Variants in SIAH3 observed in about 807,000 individuals in gnomAD.
The protein encoded by SIAH3 is seven in absentia homolog 3.
In SIAH3, 9 loss-of-function variants were observed where a neutral mutation model predicts 12.6. The ratio of observed to expected loss-of-function variants is 0.72; its 90% CI spans 0.43 to 1.25. SIAH3 has a LOEUF of 1.25. SIAH3 is among the 50% of genes most tolerant of loss of function. The pLI is 0.00. For synonymous variants in SIAH3, 154 were observed against 151.1 expected, an observed-to-expected ratio of 1.02 and a Z score of -0.14; for missense variants, 390 against 365.4, an observed-to-expected ratio of 1.07 and a Z score of -0.55.
intron 1 of SIAH3, among the ~76,000 whole-genome samples, chr13:45,821,208 A>C (rs1293378728): frequency 6.6e-6 from 1 of 152,234 alleles, no homozygotes; most frequent in East Asian, 1.9e-4. Context: ...AGACATAGAC[A>C]CATAGAAAAG....
chr13:45,784,138 A>T, intron 1 of SIAH3, 81 bp from the exon 2 acceptor site: 2 of 1,305,254 alleles, frequency 1.5e-6, no homozygotes, highest in Non-Finnish European at 2.1e-6. Context: ...TCAAAGTGTT[A>T]AAAAGCAGAT....
chr13:45,811,130 A>T (rs1299764953), intron 1 of SIAH3, among the ~76,000 whole-genome samples: 1 of 152,204 alleles, frequency 6.6e-6, no homozygotes, highest in Non-Finnish European at 1.5e-5. Flanking sequence ...TCAGAACAAT[A>T]ATAGGGTGAT....
chr13:45,799,863 A>G (rs1950575517), intron 1 of SIAH3, among the ~76,000 whole-genome samples: 1 of 152,254 alleles, frequency 6.6e-6, no homozygotes. Context: ...TATTAAGTAA[A>G]GAGCAAAGCA....
At chr13:45,841,207 C>T (rs769011726) in intron 1 of SIAH3, among the ~76,000 whole-genome samples, 9 of 152,166 alleles carry the variant, frequency 5.9e-5, no homozygotes, top group African/African-American at 1.7e-4. Context: ...TTGGCAGAGT[C>T]GTAGCTGTTA....
chr13:45,789,392 CT>C (rs58549954), intron 1 of SIAH3, among the ~76,000 whole-genome samples: 3 of 35,374 alleles, frequency 8.5e-5, no homozygotes, highest in Non-Finnish European at 1.7e-4. Flanking sequence ...ATCTATCTAT[CT>C]ATCTATCTAT....
At chr13:45,785,956 G>A (rs1213194064) in intron 1 of SIAH3, among the ~76,000 whole-genome samples, 1 of 152,208 alleles carries the variant, frequency 6.6e-6, no homozygotes, top group Non-Finnish European at 1.5e-5. Flanking sequence ...CTAGTATGTA[G>A]CATCTACTAA....
At chr13:45,818,312 A>C (rs1333191836) in intron 1 of SIAH3, among the ~76,000 whole-genome samples, 1 of 152,210 alleles carries the variant, frequency 6.6e-6, no homozygotes, top group Non-Finnish European at 1.5e-5. Context: ...CTGCTCCTGG[A>C]AGAACTCAAG....
intron 1 of SIAH3, among the ~76,000 whole-genome samples, chr13:45,817,200 C>T (rs1391748772): frequency 1.3e-5 from 2 of 152,236 alleles, no homozygotes. Context: ...GATTATAACA[C>T]TGCATTTTTA....
chr13:45,781,028 A>G lies in SIAH3; in HGVS notation c.*2355T>C, dbSNP rs1321560806. The stretch of plus-strand genomic sequence containing the variant: ...TTGGGGAGCACCATAGATGGAAGAT[A>G]ATAATACATTTCCCATGCTTTGTCC... On this transcript the variant is annotated 3_prime_UTR_variant, in exon 2 of 2. Coordinates refer to ENST00000400405, the MANE Select transcript of SIAH3 (RefSeq NM_198849.3). The G allele has an allele frequency of 6.6e-6, 1 of 152,602 alleles. No individual in the cohort carries two copies. The highest frequency in any genetic ancestry group is 2.4e-5 in the African/African-American group (1 of 41,460). The allele number at this position is 152,602 out of a possible 1,614,324, so 9.5% of individuals were successfully genotyped here. A position where few individuals can be genotyped will look rare whatever the true frequency, so the allele number is the denominator to read the frequency against.
intron 1 of SIAH3, among the ~76,000 whole-genome samples, chr13:45,803,074 A>G (rs1465043348): frequency 6.6e-6 from 1 of 152,096 alleles, no homozygotes. Context: ...TCTGTCAAAA[A>G]AAAAAAAGGC....
chr13:45,842,678 A>G (rs1377217353), intron 1 of SIAH3, among the ~76,000 whole-genome samples: 2 of 152,078 alleles, frequency 1.3e-5, no homozygotes, highest in Non-Finnish European at 2.9e-5. Flanking sequence ...CTTTACAACA[A>G]CCATTTTATA....
chr13:45,843,028 C>CTGTGTGTGTGTGTGTG (rs1340055644), intron 1 of SIAH3, among the ~76,000 whole-genome samples: 1 of 62,838 alleles, frequency 1.6e-5, no homozygotes, highest in African/African-American at 5.3e-5. Context: ...TTCTCTCTCT[C>CTGTGTGTGTGTGTGTG]TCTCTCTGTG....
intron 1 of SIAH3, among the ~76,000 whole-genome samples, chr13:45,831,920 C>T (rs1453660000): frequency 6.6e-6 from 1 of 152,214 alleles, no homozygotes; most frequent in African/African-American, 2.4e-5. Context: ...AGAAAAGGAA[C>T]ATAGGTCCTT....
At chr13:45,813,749 T>C (rs1566092011) in intron 1 of SIAH3, among the ~76,000 whole-genome samples, 1 of 152,094 alleles carries the variant, frequency 6.6e-6, no homozygotes, top group Admixed American at 6.5e-5. Context: ...TGCCTTTTTG[T>C]TGTATCCTCA....
intron 1 of SIAH3, among the ~76,000 whole-genome samples, chr13:45,838,121 G>T (rs1056898208): frequency 2.6e-5 from 4 of 152,176 alleles, no homozygotes; most frequent in Non-Finnish European, 5.9e-5. Context: ...CTTGGAGGGA[G>T]GTAAAGGGCA....
At chr13:45,823,370 C>T (rs935471250) in intron 1 of SIAH3, among the ~76,000 whole-genome samples, 5 of 152,146 alleles carry the variant, frequency 3.3e-5, no homozygotes, top group African/African-American at 7.2e-5. Flanking sequence ...TTTTAAAGCA[C>T]GTGTACACTA....
intron 1 of SIAH3, among the ~76,000 whole-genome samples, chr13:45,845,661 C>T (rs1445530146): frequency 1.3e-5 from 2 of 152,070 alleles, no homozygotes; most frequent in African/African-American, 4.8e-5. Flanking sequence ...GTAAAACACT[C>T]TGTTGTGTTT....
At chr13:45,823,018 T>G (rs1377126363) in intron 1 of SIAH3, among the ~76,000 whole-genome samples, 1 of 152,166 alleles carries the variant, frequency 6.6e-6, no homozygotes, top group African/African-American at 2.4e-5. Context: ...GACAGAAAGC[T>G]TCTCCTTAGA....
chr13:45,819,581 T>A (rs1304069729), intron 1 of SIAH3, among the ~76,000 whole-genome samples: 1 of 152,150 alleles, frequency 6.6e-6, no homozygotes, highest in African/African-American at 2.4e-5. Flanking sequence ...GAAATTGGTA[T>A]TTAGGAGGAA....
Sources: allele counts gnomAD v4.1 joint callset (sites outside exome capture counted in the v4.1 genomes callset), GRCh38; gene constraint gnomAD v4.1.1; transcripts MANE v1.5; gene names NCBI Gene and HGNC (gene_info 2026-07-23, HGNC 2026-07-21).